PDZD7: variants seen among roughly 807,000 people sequenced by gnomAD.
The protein encoded by PDZD7 is PDZ domain-containing protein 7.
PDZD7 carries 72 observed loss-of-function variants against 84.7 expected under a neutral mutation model. That is an observed-to-expected ratio of 0.85 (90% confidence interval 0.70 to 1.03). The LOEUF (loss-of-function observed/expected upper bound fraction) is 1.03. PDZD7 is among the 50% of genes least tolerant of loss of function. The probability of loss-of-function intolerance (pLI) is 0.00; values close to 1 mark genes in which losing one functional copy is unlikely to be tolerated. For missense variants in PDZD7, 1,490 were observed against 1,412.9 expected (o/e 1.05, Z -0.87); for synonymous variants, 594 against 580.7 (o/e 1.02, Z -0.33).
chr10:101,023,854 G>T, intron 3 of PDZD7, 74 bp downstream of exon 3: 1 of 1,609,520 alleles, frequency 6.2e-7, no homozygotes, highest in Non-Finnish European at 8.5e-7. Flanking sequence ...GTCCCTGACA[G>T]CAGCATCCCC....
chr10:101,022,031 C>T, intron 5 of PDZD7, 86 bp from the exon 6 acceptor site: 1 of 1,572,632 alleles, frequency 6.4e-7, no homozygotes, highest in South Asian at 1.1e-5. Flanking sequence ...GGACACAAGA[C>T]TGCACCAGTC....
At position 101,011,833 on chromosome 10, in the gene PDZD7, C is replaced by T. The variant is rs545232541; in HGVS notation, c.1934-72G>A. ...TCCGGGACGGAGGCAGCTCAAGGGGCTCGGCAATCTCTGCAGCCCTCTCCA... is the reference window on the plus strand; with the variant it reads ...TCCGGGACGGAGGCAGCTCAAGGGGTTCGGCAATCTCTGCAGCCCTCTCCA... On this transcript the variant is annotated intron_variant, in intron 13 of 16. Coordinates refer to ENST00000619208, the MANE Select transcript of PDZD7 (RefSeq NM_001195263.2). 1.4e-5 allele frequency: 21 copies of T among 1,550,218 alleles called. No homozygotes were observed. The East Asian group carries it at 2.0e-4, about 14-fold the overall frequency.
At chr10:101,030,676 G>A (rs955731654) in intron 1 of PDZD7, 35 of 318,090 alleles carry the variant, frequency 1.1e-4, no homozygotes, top group Middle Eastern at 1.1e-3. Context: ...ATTACTGCGG[G>A]CCCTGGGGCT....
intron 14 of PDZD7, 72 bp downstream of exon 14, chr10:101,011,618 A>G (rs1486821468): frequency 1.4e-5 from 22 of 1,519,742 alleles, no homozygotes; most frequent in Non-Finnish European, 1.9e-5. Flanking sequence ...GGAAAGAAGT[A>G]GAAGGCCCAT....
At chr10:101,012,110 G>A (rs2134005086) in intron 12 of PDZD7, 57 bp downstream of exon 12, 1 of 1,541,976 alleles carries the variant, frequency 6.5e-7, no homozygotes, top group Non-Finnish European at 8.8e-7. Context: ...GGGAGGTTGG[G>A]GGTGGTACCA....
At chr10:101,030,837 G>C (rs1413395546) in intron 1 of PDZD7, 2 of 165,206 alleles carry the variant, frequency 1.2e-5, no homozygotes, top group Non-Finnish European at 2.7e-5. Context: ...TTAGACAGCT[G>C]AGGCCCAGGA....
chr10:101,026,852 C>A (rs930802094), intron 2 of PDZD7, among the ~76,000 whole-genome samples: 8 of 152,088 alleles, frequency 5.3e-5, no homozygotes, highest in Admixed American at 2.6e-4. Context: ...TTAGATTACA[C>A]AGATCTCAGG....
rs561786517 is a variant in PDZD7 at position 101,009,570 on chromosome 10, TTTTA to T, written c.2618-224_2618-221del. ...CTGCACCCCAATACCCCAAATTCCC[TTTTA>T]TTTATTTATTTTTTGAGACAGAGTC... On this transcript the variant is annotated intron_variant, in intron 15 of 16. Transcript: ENST00000619208. Among the ~76,000 whole-genome samples the T allele has an allele frequency of 2.5e-3, 379 of 150,264 alleles. 3 individuals carry two copies. The highest frequency in any genetic ancestry group is 7.9e-3 in the African/African-American group (321 of 40,808).
intron 3 of PDZD7, 140 bp from the exon 4 acceptor site, chr10:101,023,750 T>G (rs1853263948): frequency 7.1e-7 from 1 of 1,412,124 alleles, no homozygotes; most frequent in Non-Finnish European, 9.8e-7. Context: ...GTGTTCCCAG[T>G]GCCTAGGGAT....
At chr10:101,017,831 G>C in intron 9 of PDZD7, 1 of 300,794 alleles carries the variant, frequency 3.3e-6, no homozygotes, top group Non-Finnish European at 5.6e-6. Context: ...AGAAAGGAAG[G>C]AAGGAAGGAA....
At chr10:101,011,659 C>T in intron 14 of PDZD7, 31 bp downstream of exon 14, 1 of 1,536,366 alleles carries the variant, frequency 6.5e-7, no homozygotes, top group Non-Finnish European at 8.7e-7. Flanking sequence ...CAGGGCTGTG[C>T]CCCTCCCTGG....
chr10:101,019,633 T>G (rs1447134056), intron 7 of PDZD7, among the ~76,000 whole-genome samples: 1 of 146,372 alleles, frequency 6.8e-6, no homozygotes, highest in African/African-American at 2.5e-5. Context: ...TTCTTCTTCT[T>G]TTTTTTTTCT....
chr10:101,012,384 GA>G (rs1852427361), intron 11 of PDZD7, 126 bp from the exon 12 acceptor site: 3 of 832,272 alleles, frequency 3.6e-6, no homozygotes, highest in Admixed American at 4.1e-5. Context: ...CGTGCCTTGG[GA>G]AAGGTTCACT....
Position 101,021,942 on chromosome 10 carries a change from C to T in PDZD7, c.723G>A (p.Val241=), listed in dbSNP as rs1853133345. ...TCTCCTCGGCCAGCCCACCATGGTC[C>T]ACTCTGAGGCCAGACAGGCGTCAGT... The part of the protein sequence containing the change: ...EFGLGIYVSK[V]DHGGLAEENG... The change falls in exon 6 of 17, where the codon GTG becomes GTA. Residue 241 remains valine (V), a synonymous_variant. Coordinates refer to ENST00000619208, the MANE Select transcript of PDZD7 (RefSeq NM_001195263.2). 2 of 1,614,144 alleles carry T rather than the reference C, an allele frequency of 1.2e-6. No homozygotes were observed. Among genetic ancestry groups the T allele is most frequent in the East Asian group, 2.2e-5 (1 of 44,882 alleles).
At chr10:101,021,430 C>G (rs1853089108) in intron 6 of PDZD7, among the ~76,000 whole-genome samples, 1 of 152,168 alleles carries the variant, frequency 6.6e-6, no homozygotes, top group Non-Finnish European at 1.5e-5. Flanking sequence ...GCTGTATGCC[C>G]TGGGGATGCC....
intron 10 of PDZD7, among the ~76,000 whole-genome samples, chr10:101,016,114 C>T (rs1407488983): frequency 6.6e-6 from 1 of 152,184 alleles, no homozygotes; most frequent in African/African-American, 2.4e-5. Flanking sequence ...GCACAGGCTC[C>T]CTCATCACCC....
chr10:101,021,997 C>T (rs1295528930), intron 5 of PDZD7, 52 bp from the exon 6 acceptor site: 6 of 1,604,332 alleles, frequency 3.7e-6, no homozygotes, highest in African/African-American at 1.3e-5. Flanking sequence ...CCCTCCGTTA[C>T]CCCACTCCAG....
chr10:101,015,586 G>T (rs1375849602), intron 11 of PDZD7, 50 bp downstream of exon 11: 1 of 1,492,602 alleles, frequency 6.7e-7, no homozygotes, highest in East Asian at 2.5e-5. Context: ...ATGATGGGCT[G>T]GGTGACTGAA....
In PDZD7 at chr10:101,023,478, C is replaced by T. The variant is rs1235822317; in HGVS notation, c.500G>A (p.Gly167Asp). 4.3e-6 allele frequency: 7 copies of T among 1,613,982 alleles called. No homozygotes were observed. The highest frequency in any genetic ancestry group is 3.4e-6 in the Non-Finnish European group (4 of 1,180,034). The change falls in exon 4 of 17, where the codon GGC becomes GAC. Residue 167 changes from glycine (G) to aspartate (D), a missense_variant. Physicochemically the swap from Gly to Asp is moderately conservative, Grantham distance 94 (BLOSUM62 -1). Transcript: ENST00000619208. Reference protein sequence around the residue: ...SRLHMMVRRMGRVPGIKFSKE... With the variant: ...SRLHMMVRRMDRVPGIKFSKE... ...GGAGAACTTGATGCCCGGCACACGG[C>T]CCATGCGCCGAACCATCATGTGCAG...
Sources: allele counts gnomAD v4.1 joint callset (sites outside exome capture counted in the v4.1 genomes callset), GRCh38; gene constraint gnomAD v4.1.1; transcripts MANE v1.5; gene names NCBI Gene and HGNC (gene_info 2026-07-23, HGNC 2026-07-21).